HS3ST4: variants seen among roughly 807,000 people sequenced by gnomAD.
HS3ST4 encodes heparan sulfate glucosamine 3-O-sulfotransferase 4.
A neutral mutation model predicts 29.2 loss-of-function variants in HS3ST4; 17 were observed. The ratio of observed to expected loss-of-function variants is 0.58; its 90% CI spans 0.40 to 0.87. The LOEUF (loss-of-function observed/expected upper bound fraction) is 0.87, where lower values mean the gene tolerates loss of function less well. Ranked by LOEUF, HS3ST4 falls within the 40% of genes least tolerant of loss-of-function variation. The pLI is 0.00. For synonymous variants in HS3ST4, 314 were observed against 285.7 expected, an observed-to-expected ratio of 1.10 and a Z score of -1.00; for missense variants, 627 against 634.5, an observed-to-expected ratio of 0.99 and a Z score of 0.13.
chr16:25,815,056 C>T (rs1394000442), intron 1 of HS3ST4, among the ~76,000 whole-genome samples: 1 of 152,130 alleles, frequency 6.6e-6, no homozygotes, highest in Non-Finnish European at 1.5e-5. Context: ...GACCATGCAG[C>T]GACATGTCTG....
chr16:25,843,734 A>G (rs760783689), intron 1 of HS3ST4, among the ~76,000 whole-genome samples: 44 of 152,160 alleles, frequency 2.9e-4, no homozygotes, highest in Non-Finnish European at 5.9e-4. Flanking sequence ...TCTTTCAATC[A>G]TGGCTATTAA....
chr16:26,114,865 A>G (rs1899180571), intron 1 of HS3ST4, among the ~76,000 whole-genome samples: 1 of 152,086 alleles, frequency 6.6e-6, no homozygotes, highest in African/African-American at 2.4e-5. Flanking sequence ...CAGCAATTCA[A>G]CCTCTTTATG....
chr16:25,948,338 A>G (rs977942638), intron 1 of HS3ST4, among the ~76,000 whole-genome samples: 6 of 151,968 alleles, frequency 3.9e-5, no homozygotes, highest in African/African-American at 1.5e-4. Flanking sequence ...AACTAGTTAT[A>G]TGCAATTTTT....
At chr16:25,795,183 G>A (rs1211464881) in intron 1 of HS3ST4, among the ~76,000 whole-genome samples, 1 of 152,000 alleles carries the variant, frequency 6.6e-6, no homozygotes, top group East Asian at 1.9e-4. Context: ...ATGTTGGCCA[G>A]GTTGGTCTTG....
intron 1 of HS3ST4, among the ~76,000 whole-genome samples, chr16:26,051,388 A>G (rs1311387873): frequency 6.6e-6 from 1 of 152,172 alleles, no homozygotes; most frequent in Non-Finnish European, 1.5e-5. Flanking sequence ...GACAAAGACG[A>G]GCATGATTCC....
At chr16:25,827,190 T>C (rs1267995717) in intron 1 of HS3ST4, among the ~76,000 whole-genome samples, 1 of 152,182 alleles carries the variant, frequency 6.6e-6, no homozygotes, top group Admixed American at 6.5e-5. Context: ...GACTCTTTCT[T>C]GGAGCCATTT....
intron 1 of HS3ST4, among the ~76,000 whole-genome samples, chr16:26,066,314 G>A (rs955682229): frequency 1.3e-5 from 2 of 152,172 alleles, no homozygotes; most frequent in Admixed American, 6.6e-5. Flanking sequence ...TTGGCCGAAA[G>A]TTTTTAAAAA....
intron 1 of HS3ST4, among the ~76,000 whole-genome samples, chr16:25,880,393 T>C (rs972881992): frequency 1.3e-5 from 2 of 152,174 alleles, no homozygotes; most frequent in Admixed American, 6.5e-5. Context: ...GATGCAAATG[T>C]GCTTTCAACC....
chr16:26,062,043 C>CTACCT (rs1186608884), intron 1 of HS3ST4, among the ~76,000 whole-genome samples: 3 of 152,178 alleles, frequency 2.0e-5, no homozygotes, highest in Non-Finnish European at 4.4e-5. Flanking sequence ...ATCATGTGTT[C>CTACCT]TACCATCTGG....
chr16:26,018,099 C>T (rs1969377599), intron 1 of HS3ST4, among the ~76,000 whole-genome samples: 1 of 152,214 alleles, frequency 6.6e-6, no homozygotes, highest in Non-Finnish European at 1.5e-5. Flanking sequence ...TGTCTGTGCT[C>T]ACTTGTTGTT....
chr16:25,960,083 C>T (rs1449217056), intron 1 of HS3ST4, among the ~76,000 whole-genome samples: 1 of 152,116 alleles, frequency 6.6e-6, no homozygotes, highest in Non-Finnish European at 1.5e-5. Flanking sequence ...TTGCAGTAAG[C>T]CGAGATCATG....
At chr16:26,021,451 C>T (rs781571854) in intron 1 of HS3ST4, among the ~76,000 whole-genome samples, 10 of 152,032 alleles carry the variant, frequency 6.6e-5, no homozygotes, top group South Asian at 4.2e-4. Flanking sequence ...GTTACCTGTC[C>T]GCCATTGTAG....
intron 1 of HS3ST4, among the ~76,000 whole-genome samples, chr16:25,752,507 G>T (rs560325317): frequency 2.1e-4 from 32 of 152,136 alleles, no homozygotes; most frequent in South Asian, 4.2e-4. Flanking sequence ...ATTTAAAAGA[G>T]GGAGGAAAAA....
chr16:25,961,646 C>T (rs905295535), intron 1 of HS3ST4, among the ~76,000 whole-genome samples: 3 of 152,070 alleles, frequency 2.0e-5, no homozygotes, highest in African/African-American at 7.2e-5. Flanking sequence ...AGGGTAACTC[C>T]AACTCATCCC....
chr16:26,013,178 T>A (rs1297839744), intron 1 of HS3ST4, among the ~76,000 whole-genome samples: 4 of 151,586 alleles, frequency 2.6e-5, no homozygotes, highest in African/African-American at 9.7e-5. Context: ...AATAAATACA[T>A]ACATAAAATA....
intron 1 of HS3ST4, among the ~76,000 whole-genome samples, chr16:25,878,890 G>A (rs796944197): frequency 2.0e-4 from 31 of 152,256 alleles, no homozygotes; most frequent in Middle Eastern, 3.4e-3. Flanking sequence ...GGTTAAAGTG[G>A]TAAACAGTAT....
Position 26,048,097 on chromosome 16 carries a change from T to C in HS3ST4, c.735-87515T>C, listed in dbSNP as rs368662005. ...AGGCTGTTAGATGGCTGCTTTATCC[T>C]TGTGTCTTTCCATCCTCTTCCCTTT... On this transcript the variant is annotated intron_variant, in intron 1 of 1. Coordinates refer to ENST00000331351, the MANE Select transcript of HS3ST4 (RefSeq NM_006040.3). Among the ~76,000 whole-genome samples the C allele has an allele frequency of 8.8e-4, 134 of 152,320 alleles. 1 individual carries two copies. Among genetic ancestry groups the C allele is most frequent in the East Asian group, 4.5e-3 (23 of 5,166 alleles).
At chr16:25,881,131 G>GA (rs1567263538) in intron 1 of HS3ST4, among the ~76,000 whole-genome samples, 1 of 151,990 alleles carries the variant, frequency 6.6e-6, no homozygotes, top group Admixed American at 6.6e-5. Context: ...TGTCCTAGTG[G>GA]AAAAAATAAA....
intron 1 of HS3ST4, among the ~76,000 whole-genome samples, chr16:26,043,682 G>T (rs537530976): frequency 1.3e-5 from 2 of 152,094 alleles, no homozygotes; most frequent in Non-Finnish European, 2.9e-5. Context: ...TCTGAAACAC[G>T]CGCAGCAATT....
Sources: allele counts gnomAD v4.1 joint callset (sites outside exome capture counted in the v4.1 genomes callset), GRCh38; gene constraint gnomAD v4.1.1; transcripts MANE v1.5; gene names NCBI Gene and HGNC (gene_info 2026-07-23, HGNC 2026-07-21).